Variants in DGCR6L observed in about 807,000 individuals in gnomAD.
The protein encoded by DGCR6L is DiGeorge syndrome critical region gene 6 like, also known as protein DGCR6L.
DGCR6L carries 24 observed loss-of-function variants against 31.1 expected under a neutral mutation model. The ratio of observed to expected loss-of-function variants is 0.77; its 90% CI spans 0.56 to 1.08. DGCR6L has a LOEUF of 1.08. Among genes scored for constraint, DGCR6L ranks in the 50% least tolerant of loss-of-function variants. The probability of loss-of-function intolerance (pLI) is 0.00; values close to 1 mark genes in which losing one functional copy is unlikely to be tolerated. For synonymous variants in DGCR6L, 104 were observed against 126.1 expected (o/e 0.82, Z 1.17); for missense variants, 218 against 287.1 (o/e 0.76, Z 1.74).
chr22:20,317,888 T>C (rs1270748480), intron 2 of DGCR6L, among the ~76,000 whole-genome samples: 1 of 152,212 alleles, frequency 6.6e-6, no homozygotes, highest in African/African-American at 2.4e-5. Context: ...CCCAGACATT[T>C]AGGGGAAGAA....
In DGCR6L at chr22:20,319,797, G is replaced by C. The variant is rs369316716; in HGVS notation, c.113C>G (p.Ser38Cys). The C allele has an allele frequency of 3.7e-6, 6 of 1,609,636 alleles. No individual in the cohort carries two copies. Among genetic ancestry groups the C allele is most frequent in the African/African-American group, 1.3e-5 (1 of 74,898 alleles). ...LQSLVKELPS[S>C]FQQRLSYTTL... ...GGTGTAGGACAGGCGCTGCTGGAAA[G>C]AGCTGCGGGTAGGGGGGCGCGGTGA... The change falls in exon 2 of 5, where the codon TCT (serine) becomes TGT (cysteine). Residue 38 changes from serine to cysteine, a missense_variant and splice_region_variant. Ser to Cys is a moderately radical substitution (Grantham distance 112, BLOSUM62 -1). Around this residue, in one of 4 missense-constraint regions of DGCR6L, gnomAD observed 77 missense variants for 71.2 expected, o/e 1.08. Transcript: ENST00000248879.
intron 2 of DGCR6L, among the ~76,000 whole-genome samples, chr22:20,317,275 C>T (rs1265610449): frequency 6.6e-6 from 1 of 152,236 alleles, no homozygotes. Context: ...CTCAAGACAG[C>T]TCCATAACAC....
intron 2 of DGCR6L, among the ~76,000 whole-genome samples, chr22:20,317,011 T>C (rs1473951501): frequency 6.6e-6 from 1 of 151,988 alleles, no homozygotes; most frequent in Non-Finnish European, 1.5e-5. Context: ...CAGTGACCAG[T>C]AAGTGCCAAA....
At position 20,315,344 on chromosome 22, in the gene DGCR6L, T is replaced by C. The variant is rs770268883; in HGVS notation, c.505A>G (p.Asn169Asp). The change falls in exon 4 of 5, where the codon AAC becomes GAC. Residue 169 changes from asparagine to aspartate, a missense_variant. Coordinates refer to ENST00000248879, the MANE Select transcript of DGCR6L (RefSeq NM_033257.4). ...AGVAGFYVTT[N>D]PQELMLQMNL... ...CAGGCCCAGGCACTGACCTGTGGGTTGGTGGTCACGTAGAAGCCAGCCACC... is the reference window on the plus strand; with the variant it reads ...CAGGCCCAGGCACTGACCTGTGGGTCGGTGGTCACGTAGAAGCCAGCCACC... 1.1e-5 allele frequency: 17 copies of C among 1,613,086 alleles called. No homozygotes were observed. Among genetic ancestry groups the C allele is most frequent in the Non-Finnish European group, 1.4e-5 (16 of 1,179,766 alleles).
chr22:20,320,010 C>T lies in DGCR6L; in HGVS notation c.-22G>A. 1 of 1,527,576 alleles carries T rather than the reference C, an allele frequency of 6.5e-7. No homozygotes were observed. Among genetic ancestry groups the T allele is most frequent in the South Asian group, 1.2e-5 (1 of 81,422 alleles). The allele number at this position is 1,527,576 out of a possible 1,614,324, so 94.6% of individuals were successfully genotyped here. On this transcript the variant is annotated 5_prime_UTR_variant, in exon 1 of 5. Coordinates refer to ENST00000248879, the MANE Select transcript of DGCR6L (RefSeq NM_033257.4). Reference sequence around the variant, plus strand: ...CCATGGCGCGGACGCCCGCTAGCCGCCGGCGGCGGCGACGAGCTCCCCCAG... The same window carrying T: ...CCATGGCGCGGACGCCCGCTAGCCGTCGGCGGCGGCGACGAGCTCCCCCAG...
At chr22:20,316,074 C>T (rs2051569226) in intron 3 of DGCR6L, 45 bp downstream of exon 3, 2 of 1,547,190 alleles carry the variant, frequency 1.3e-6, no homozygotes, top group Non-Finnish European at 8.7e-7. Context: ...CCAGGTGGTG[C>T]CCACAGGAGA....
At chr22:20,316,508 A>C (rs28619508) in intron 2 of DGCR6L, among the ~76,000 whole-genome samples, 1,532 of 152,302 alleles carry the variant, frequency 0.01, 25 homozygotes, top group African/African-American at 0.035. Context: ...CAGCTGGAGG[A>C]GGCAGGCGGG....
At position 20,315,464 on chromosome 22, in the gene DGCR6L, G is replaced by A. The variant is rs754812265; in HGVS notation, c.385C>T (p.Arg129Trp). Residue 129 changes from arginine (R) to tryptophan (W), a missense_variant, in exon 4 of 5, where the codon CGG (arginine) becomes TGG (tryptophan). Coordinates refer to ENST00000248879, the MANE Select transcript of DGCR6L (RefSeq NM_033257.4). The stretch of plus-strand genomic sequence containing the variant: ...ATCGCCCGCTGCTCCTCACGGATCC[G>A]GTGTTCCACGGCCTGCCATGGGGCC... ...QQRELEAVEH[R>W]IREEQRAMDQ... 129 of 1,613,358 alleles carry A rather than the reference G, an allele frequency of 8.0e-5. No homozygotes were observed. Among genetic ancestry groups the A allele is most frequent in the Middle Eastern group, 1.6e-4 (1 of 6,080 alleles).
Position 20,314,812 on chromosome 22 carries a change from G to A in DGCR6L, c.526C>T (p.Gln176Ter). The A allele has an allele frequency of 6.2e-7, 1 of 1,611,340 alleles. No homozygotes were observed. Among genetic ancestry groups the A allele is most frequent in the Non-Finnish European group, 8.5e-7 (1 of 1,179,136 alleles). The stretch of plus-strand genomic sequence containing the variant: ...CGGATGAGTTCCAGCAGGTTCATCT[G>A]CAGCATCAGCTCCTGGGATACAGAG... Reference protein sequence around the residue: ...VTTNPQELMLQMNLLELIRKL... With the variant: ...VTTNPQELML The change falls in exon 5 of 5, where the codon CAG (glutamine) becomes TAG (stop). Residue 176 changes from glutamine to a stop codon, truncating the protein, a stop_gained. Coordinates refer to ENST00000248879, the MANE Select transcript of DGCR6L (RefSeq NM_033257.4). LOFTEE classifies it high-confidence loss of function.
rs571403370 is a variant in DGCR6L, at chr22:20,316,286, G to A, written c.272-67C>T. 460 of 1,545,626 alleles carry A rather than the reference G, an allele frequency of 3.0e-4. 1 individual carries two copies. In the African/African-American group the frequency reaches 5.7e-3, roughly 19 times the overall value. On this transcript the variant is annotated intron_variant, in intron 2 of 4. Transcript: ENST00000248879. Reference sequence around the variant, plus strand: ...CAGCAGCCCTCACCCATGGGCACCTGCCTTGCCAGCCCAGCAGAGCAGCCA... The same window carrying A: ...CAGCAGCCCTCACCCATGGGCACCTACCTTGCCAGCCCAGCAGAGCAGCCA...
chr22:20,317,080 ACT>A (rs1166378254), intron 2 of DGCR6L, among the ~76,000 whole-genome samples: 2 of 151,552 alleles, frequency 1.3e-5, no homozygotes, highest in East Asian at 1.9e-4. Context: ...GAAACCCAAC[ACT>A]CTGTTCCTGG....
In DGCR6L at chr22:20,319,712, C is replaced by T. The variant is rs138293528; in HGVS notation, c.198G>A (p.Gly66=). 3 of 1,612,866 alleles carry T rather than the reference C, an allele frequency of 1.9e-6. No homozygotes were observed. The highest frequency in any genetic ancestry group is 2.5e-6 in the Non-Finnish European group (3 of 1,179,806). Residue 66 remains glycine (G), a synonymous_variant, in exon 2 of 5, where the codon GGG becomes GGA. Transcript: ENST00000248879. Reference sequence around the variant, plus strand: ...CGGTGAGGTGCTGGATCTCCAGTAGCCCCTGCACGATTTCGAACACGGTGC... The same window carrying T: ...CGGTGAGGTGCTGGATCTCCAGTAGTCCCTGCACGATTTCGAACACGGTGC... The part of the protein sequence containing the change: ...LDGTVFEIVQ[G]LLEIQHLTEK...
In DGCR6L at chr22:20,320,057, G is replaced by A; in HGVS notation, c.-69C>T. The A allele has an allele frequency of 6.9e-7, 1 of 1,454,240 alleles. No homozygotes were observed. Among genetic ancestry groups the A allele is most frequent in the Non-Finnish European group, 9.0e-7 (1 of 1,106,100 alleles). The allele number at this position is 1,454,240 out of a possible 1,614,324, so 90.1% of individuals were successfully genotyped here. On this transcript the variant is annotated 5_prime_UTR_variant, in exon 1 of 5. Coordinates refer to ENST00000248879, the MANE Select transcript of DGCR6L (RefSeq NM_033257.4). ...CCAGCTTCACGACATCCCGAGCGCG[G>A]CGCGTCCCGCCCCTTTTACGATTGT...
At chr22:20,316,569 A>G (rs2051572812) in intron 2 of DGCR6L, among the ~76,000 whole-genome samples, 1 of 152,166 alleles carries the variant, frequency 6.6e-6, no homozygotes, top group African/African-American at 2.4e-5. Context: ...ACAGGCCATG[A>G]GACATCTACT....
Position 20,315,409 on chromosome 22 carries a change from C to T in DGCR6L, c.440G>A (p.Arg147Gln), listed in dbSNP as rs776026355. Residue 147 changes from arginine (R) to glutamine (Q), a missense_variant, in exon 4 of 5, where the codon CGG becomes CAG. Physicochemically the swap from Arg to Gln is conservative, Grantham distance 43. Around this residue, in one of 4 missense-constraint regions of DGCR6L, gnomAD observed 58 missense variants for 105.4 expected, o/e 0.55. Coordinates refer to ENST00000248879, the MANE Select transcript of DGCR6L (RefSeq NM_033257.4). ...MDQKIILELD[R>Q]KVADQQSTLE... The stretch of plus-strand genomic sequence containing the variant: ...TGTGCTCTGCTGGTCAGCCACCTTC[C>T]GGTCCAGCTCCAGGATGATCTTCTG... 15 of 1,613,844 alleles carry T rather than the reference C, an allele frequency of 9.3e-6. No homozygotes were observed. Among genetic ancestry groups the T allele is most frequent in the Middle Eastern group, 1.6e-4 (1 of 6,082 alleles).
chr22:20,318,919 A>G (rs539523603), intron 2 of DGCR6L, among the ~76,000 whole-genome samples: 37 of 152,364 alleles, frequency 2.4e-4, no homozygotes, highest in African/African-American at 8.7e-4. Context: ...TGTCACATGT[A>G]TATATTTTGG....
rs756652763 is a variant in DGCR6L, at chr22:20,319,770, G to A, written c.140C>T (p.Thr47Met). 3.0e-5 allele frequency: 49 copies of A among 1,612,482 alleles called. No homozygotes were observed. Among genetic ancestry groups the A allele is most frequent in the Non-Finnish European group, 2.5e-6 (3 of 1,179,396 alleles). The change falls in exon 2 of 5, where the codon ACG (threonine) becomes ATG (methionine). Residue 47 changes from threonine to methionine, a missense_variant. Thr to Met is a moderately conservative substitution (Grantham distance 81, BLOSUM62 -1). Transcript: ENST00000248879. ...AAGCGCCAGGGCCAGGTCGCTGAGCGTGGTGTAGGACAGGCGCTGCTGGAA... is the reference window on the plus strand; with the variant it reads ...AAGCGCCAGGGCCAGGTCGCTGAGCATGGTGTAGGACAGGCGCTGCTGGAA... ...SSFQQRLSYT[T>M]LSDLALALLD...
chr22:20,317,529 G>C (rs554346671), intron 2 of DGCR6L, among the ~76,000 whole-genome samples: 23 of 152,378 alleles, frequency 1.5e-4, no homozygotes, highest in Middle Eastern at 3.4e-3. Flanking sequence ...GCCTGCTGCT[G>C]GTGGAACCAG....
chr22:20,316,485 C>T (rs1303261348), intron 2 of DGCR6L, among the ~76,000 whole-genome samples: 12 of 152,192 alleles, frequency 7.9e-5, no homozygotes, highest in Non-Finnish European at 1.8e-4. Flanking sequence ...AAGCTGCAGC[C>T]CCAGACCCAG....
Sources: gnomAD v4.1 joint callset for allele counts (sites outside exome capture counted in the v4.1 genomes callset) on GRCh38, gnomAD v4.1.1 for gene constraint, gnomAD v4.1.1 regional missense constraint, MANE v1.5 for transcripts, NCBI Gene and HGNC (gene_info 2026-07-23, HGNC 2026-07-21) for gene names.